LONP2: variants seen among roughly 807,000 people sequenced by gnomAD.
LONP2 encodes the protein lon protease homolog 2, peroxisomal.
In LONP2, 60 loss-of-function variants were observed where a neutral mutation model predicts 85.6. That is an observed-to-expected ratio of 0.70 (90% confidence interval 0.57 to 0.87). The LOEUF (loss-of-function observed/expected upper bound fraction) is 0.87. LONP2 is among the 40% of genes least tolerant of loss of function. The pLI is 0.00. For missense variants in LONP2, 860 were observed against 1,063.5 expected, an observed-to-expected ratio of 0.81 and a Z score of 2.66; for synonymous variants, 395 against 389.7, an observed-to-expected ratio of 1.01 and a Z score of -0.16.
intron 8 of LONP2, among the ~76,000 whole-genome samples, chr16:48,277,795 C>T (rs967013434): frequency 2.0e-5 from 3 of 151,794 alleles, no homozygotes; most frequent in African/African-American, 4.8e-5. Context: ...TCTCCTTCTC[C>T]CTGGGGTCCC....
chr16:48,270,589 A>G (rs1972083021), intron 7 of LONP2, among the ~76,000 whole-genome samples: 2 of 152,156 alleles, frequency 1.3e-5, no homozygotes, highest in Non-Finnish European at 2.9e-5. Context: ...TCAACCCAGT[A>G]GCATGCCATA....
In LONP2 at chr16:48,251,355, C is replaced by G. The variant is rs141794561; in HGVS notation, c.234-776C>G. ...TGATTTTTGTATTTTATATAACTGACTTAGTTTGGATGAGGCTTCCTTTCT... is the reference window on the plus strand; with the variant it reads ...TGATTTTTGTATTTTATATAACTGAGTTAGTTTGGATGAGGCTTCCTTTCT... On this transcript the variant is annotated intron_variant, in intron 1 of 14. Transcript: ENST00000285737. 1.6e-3 allele frequency among the ~76,000 whole-genome samples: 239 copies of G among 152,240 alleles called. 2 individuals are homozygous for G. The East Asian group carries it at 0.04, about 25-fold the overall frequency.
chr16:48,268,874 AT>A (rs1490336541), intron 6 of LONP2, among the ~76,000 whole-genome samples: 1 of 152,080 alleles, frequency 6.6e-6, no homozygotes, highest in Non-Finnish European at 1.5e-5. Flanking sequence ...TTTTTCCTTT[AT>A]GAAATATCCT....
chr16:48,359,516 G>C (rs1960495228), downstream of LONP2, among the ~76,000 whole-genome samples: 2 of 151,916 alleles, frequency 1.3e-5, no homozygotes, highest in Admixed American at 6.6e-5. Flanking sequence ...AGGAGATTGA[G>C]AACATCTTGG....
chr16:48,300,450 T>A (rs915449685), intron 10 of LONP2, among the ~76,000 whole-genome samples: 9 of 152,230 alleles, frequency 5.9e-5, no homozygotes, highest in African/African-American at 2.2e-4. Context: ...TGTTGAGAAT[T>A]TATATCCACC....
chr16:48,253,280 G>C (rs1971691461), intron 2 of LONP2, among the ~76,000 whole-genome samples: 2 of 151,918 alleles, frequency 1.3e-5, no homozygotes, highest in African/African-American at 4.8e-5. Flanking sequence ...GATCAGCCTA[G>C]GCAGCATGGT....
At chr16:48,248,501 T>G (rs944403223) in intron 1 of LONP2, among the ~76,000 whole-genome samples, 6 of 152,184 alleles carry the variant, frequency 3.9e-5, no homozygotes, top group African/African-American at 9.6e-5. Context: ...AAGGGAGGTA[T>G]AAAATGAAGT....
At chr16:48,258,889 T>TG in intron 4 of LONP2, 149 bp downstream of exon 4, 1 of 723,548 alleles carries the variant, frequency 1.4e-6, no homozygotes, top group African/African-American at 1.8e-5. Context: ...TTGCCTGGAT[T>TG]TTTTTTTAAA....
chr16:48,337,899 C>T (rs541956077), intron 12 of LONP2, among the ~76,000 whole-genome samples: 2 of 152,258 alleles, frequency 1.3e-5, no homozygotes, highest in East Asian at 1.9e-4. Flanking sequence ...CTGCAACCTC[C>T]ACCTCCTGGG....
Position 48,351,956 on chromosome 16 carries a change from A to G in LONP2, c.*154A>G. On this transcript the variant is annotated 3_prime_UTR_variant, in exon 15 of 15. Transcript: ENST00000285737. The stretch of plus-strand genomic sequence containing the variant: ...AAACCTCAAGTAGTGGCTAGTGTTT[A>G]GTATAGAAATATAAGATGTTGATTT... The G allele has an allele frequency of 1.6e-6, 1 of 621,974 alleles. No homozygotes were observed. The highest frequency in any genetic ancestry group is 2.9e-5 in the Admixed American group (1 of 34,016). The allele number at this position is 621,974 out of a possible 1,614,324, so 38.5% of individuals were successfully genotyped here. A position where few individuals can be genotyped will look rare whatever the true frequency, so the allele number is the denominator to read the frequency against.
chr16:48,310,413 G>A (rs775402614), intron 11 of LONP2, among the ~76,000 whole-genome samples: 6 of 151,688 alleles, frequency 4.0e-5, no homozygotes, highest in Admixed American at 6.6e-5. Context: ...GTGCAATGGC[G>A]CGATCTTGGC....
At chr16:48,327,101 G>A (rs1044991260) in intron 11 of LONP2, among the ~76,000 whole-genome samples, 4 of 152,232 alleles carry the variant, frequency 2.6e-5, no homozygotes, top group Non-Finnish European at 1.5e-5. Flanking sequence ...AGTCCATGCT[G>A]TGAGTGCATT....
chr16:48,298,544 G>A (rs1309564572), intron 9 of LONP2, among the ~76,000 whole-genome samples: 2 of 150,938 alleles, frequency 1.3e-5, no homozygotes, highest in Non-Finnish European at 2.9e-5. Flanking sequence ...TTCTTTTGCT[G>A]CTACAATTTA....
At chr16:48,263,950 T>C (rs1463760928) in intron 6 of LONP2, among the ~76,000 whole-genome samples, 2 of 152,146 alleles carry the variant, frequency 1.3e-5, no homozygotes, top group Admixed American at 1.3e-4. Context: ...GGATCCGTGA[T>C]GCCCCACAAG....
chr16:48,331,540 G>A (rs958456531), intron 11 of LONP2, among the ~76,000 whole-genome samples: 1 of 151,858 alleles, frequency 6.6e-6, no homozygotes, highest in South Asian at 2.1e-4. Context: ...ATAGTGCATT[G>A]CTCTTTGCCG....
chr16:48,250,915 A>AT lies in LONP2; in HGVS notation c.234-1209dup, dbSNP rs200067594. Among the ~76,000 whole-genome samples, 1,266 of 152,222 alleles carry AT rather than the reference A, an allele frequency of 8.3e-3. 19 individuals are homozygous for AT. Among genetic ancestry groups the AT allele is most frequent in the African/African-American group, 0.029 (1,207 of 41,522 alleles). On this transcript the variant is annotated intron_variant, in intron 1 of 14. Coordinates refer to ENST00000285737, the MANE Select transcript of LONP2 (RefSeq NM_031490.5). ...TAATTTCAAGTTTTTTATGTATGTG[A>AT]TTTTTTTCCCTCACCAATTTATCTT...
intron 8 of LONP2, among the ~76,000 whole-genome samples, chr16:48,283,570 G>GC (rs1972375252): frequency 6.6e-6 from 1 of 152,156 alleles, no homozygotes; most frequent in South Asian, 2.1e-4. Flanking sequence ...AGGTGACAAT[G>GC]CATCTGTTTA....
At chr16:48,268,195 T>C (rs970481227) in intron 6 of LONP2, among the ~76,000 whole-genome samples, 1 of 152,202 alleles carries the variant, frequency 6.6e-6, no homozygotes, top group Non-Finnish European at 1.5e-5. Context: ...AAATATATCC[T>C]GTATAGAAAA....
chr16:48,354,761 G>A lies in LONP2; in HGVS notation c.*2959G>A, dbSNP rs559079686. On this transcript the variant is annotated 3_prime_UTR_variant, in exon 15 of 15. Coordinates refer to ENST00000285737, the MANE Select transcript of LONP2 (RefSeq NM_031490.5). The stretch of plus-strand genomic sequence containing the variant: ...CCTCCAGAAAAGAAAGATCTGGAGG[G>A]TCAGGCCACTCTTTTTCTTCAAAAT... 1 of 152,330 alleles carries A rather than the reference G, an allele frequency of 6.6e-6. No individual in the cohort carries two copies. Among genetic ancestry groups the A allele is most frequent in the African/African-American group, 2.4e-5 (1 of 41,574 alleles). 9.4% of individuals were successfully genotyped at this position (152,330 alleles called of 1,614,324 possible). A position where few individuals can be genotyped will look rare whatever the true frequency, so the allele number is the denominator to read the frequency against.
Sources: gnomAD v4.1 joint callset for allele counts (sites outside exome capture counted in the v4.1 genomes callset) on GRCh38, gnomAD v4.1.1 for gene constraint, MANE v1.5 for transcripts, NCBI Gene and HGNC (gene_info 2026-07-23, HGNC 2026-07-21) for gene names.